Variants in SLC16A9 observed in about 807,000 individuals in gnomAD.
SLC16A9 encodes the protein solute carrier family 16 member 9.
In SLC16A9, 26 loss-of-function variants were observed where a neutral mutation model predicts 44.3. The observed-to-expected ratio is 0.59, with a 90% CI of 0.43 to 0.81. The LOEUF is 0.81. Ranked by LOEUF, SLC16A9 falls within the 40% of genes least tolerant of loss-of-function variation. The pLI is 0.00. For missense variants in SLC16A9, 559 were observed against 595.8 expected, an observed-to-expected ratio of 0.94 and a Z score of 0.64; for synonymous variants, 230 against 225.1, an observed-to-expected ratio of 1.02 and a Z score of -0.19.
At chr10:59,671,800 C>A (rs532975236) in intron 3 of SLC16A9, among the ~76,000 whole-genome samples, 1 of 152,174 alleles carries the variant, frequency 6.6e-6, no homozygotes, top group Non-Finnish European at 1.5e-5. Flanking sequence ...ACGAAGTCTC[C>A]TAGCTTTGCT....
At chr10:59,678,632 T>C (rs112807640) in intron 2 of SLC16A9, among the ~76,000 whole-genome samples, 3,199 of 131,984 alleles carry the variant, frequency 0.024, 110 homozygotes, top group Admixed American at 0.11. Flanking sequence ...CAAGCTCCGC[T>C]TCCCGGGTTC....
intron 4 of SLC16A9, among the ~76,000 whole-genome samples, chr10:59,661,143 G>A (rs1436650344): frequency 6.6e-6 from 1 of 152,210 alleles, no homozygotes; most frequent in Non-Finnish European, 1.5e-5. Context: ...AGTATTGGAA[G>A]TTCTTGCCAG....
chr10:59,683,419 TTCA>T (rs1355385063), intron 2 of SLC16A9, among the ~76,000 whole-genome samples: 3 of 152,258 alleles, frequency 2.0e-5, no homozygotes, highest in African/African-American at 7.2e-5. Flanking sequence ...TATGTAACTG[TTCA>T]TCAAGAATAT....
chr10:59,688,082 C>T (rs767262633), intron 1 of SLC16A9, among the ~76,000 whole-genome samples: 2 of 152,158 alleles, frequency 1.3e-5, no homozygotes, highest in Non-Finnish European at 2.9e-5. Flanking sequence ...CCAGCAGGGC[C>T]TCCCACTTAA....
At chr10:59,679,832 A>C (rs549805872) in intron 2 of SLC16A9, among the ~76,000 whole-genome samples, 1 of 152,254 alleles carries the variant, frequency 6.6e-6, no homozygotes, top group East Asian at 1.9e-4. Context: ...CATAAAGGTA[A>C]TTTGCATGGA....
intron 1 of SLC16A9, among the ~76,000 whole-genome samples, chr10:59,700,878 C>A (rs1006900291): frequency 6.6e-6 from 1 of 152,144 alleles, no homozygotes; most frequent in African/African-American, 2.4e-5. Context: ...GAACCACTGC[C>A]CCCTTGGCTT....
In SLC16A9 at chr10:59,662,422, G is replaced by T. The variant is rs544447244; in HGVS notation, c.436+1805C>A. 7.3e-4 allele frequency among the ~76,000 whole-genome samples: 111 copies of T among 151,776 alleles called. 2 individuals carry two copies. The South Asian group carries it at 0.022, about 30-fold the overall frequency. On this transcript the variant is annotated intron_variant, in intron 4 of 5. Transcript: ENST00000395348. ...GAGGCTGAGGCAGGCAGATCACAAGGTCAGGAGTTCAAGACCTCCATGGCC... is the reference window on the plus strand; with the variant it reads ...GAGGCTGAGGCAGGCAGATCACAAGTTCAGGAGTTCAAGACCTCCATGGCC...
chr10:59,657,319 A>G (rs535775442), intron 4 of SLC16A9, among the ~76,000 whole-genome samples: 3 of 152,306 alleles, frequency 2.0e-5, no homozygotes, highest in Non-Finnish European at 4.4e-5. Flanking sequence ...CCTGTTCACT[A>G]CAGAGGAAGA....
intron 2 of SLC16A9, among the ~76,000 whole-genome samples, chr10:59,680,427 A>G (rs1241122744): frequency 6.6e-6 from 1 of 152,154 alleles, no homozygotes; most frequent in African/African-American, 2.4e-5. Context: ...TCTGCCACCC[A>G]TCCTTCCAAG....
intron 5 of SLC16A9, among the ~76,000 whole-genome samples, chr10:59,653,190 C>T (rs1375447566): frequency 1.3e-5 from 2 of 151,508 alleles, no homozygotes; most frequent in Non-Finnish European, 2.9e-5. Flanking sequence ...GAGGCCGAGG[C>T]GGGCGGATCA....
chr10:59,682,796 A>G (rs1840051196), intron 2 of SLC16A9, among the ~76,000 whole-genome samples: 1 of 106,544 alleles, frequency 9.4e-6, no homozygotes, highest in Non-Finnish European at 1.9e-5. Context: ...TGGTGGCTTT[A>G]CAAACAATCC....
At chr10:59,666,254 G>A (rs1185714403) in intron 3 of SLC16A9, among the ~76,000 whole-genome samples, 4 of 149,988 alleles carry the variant, frequency 2.7e-5, no homozygotes, top group Non-Finnish European at 4.4e-5. Flanking sequence ...AGCTGAGATC[G>A]CGCCATTGCA....
At chr10:59,709,240 TCCC>T (rs796097936) in intron 1 of SLC16A9, among the ~76,000 whole-genome samples, 51 of 151,828 alleles carry the variant, frequency 3.4e-4, no homozygotes, top group African/African-American at 1.2e-3. Context: ...GCCTTCGGAT[TCCC>T]GGGAAAACTT....
At chr10:59,653,425 C>CAAAAAAAAA (rs562805430) in intron 5 of SLC16A9, among the ~76,000 whole-genome samples, 4,098 of 36,426 alleles carry the variant, frequency 0.11, 1,174 homozygotes, top group Middle Eastern at 0.23. Context: ...AACTCCGTCT[C>CAAAAAAAAA]AAAAAAAAAA....
At chr10:59,696,365 C>T (rs1588994104) in intron 1 of SLC16A9, among the ~76,000 whole-genome samples, 1 of 152,230 alleles carries the variant, frequency 6.6e-6, no homozygotes, top group Non-Finnish European at 1.5e-5. Flanking sequence ...CTCGGCCTCC[C>T]GAGTTGCCGG....
At chr10:59,696,276 G>C (rs954961974) in intron 1 of SLC16A9, among the ~76,000 whole-genome samples, 7 of 152,200 alleles carry the variant, frequency 4.6e-5, no homozygotes, top group Admixed American at 1.3e-4. Flanking sequence ...ACTGGTTTTC[G>C]TATTTTTTTG....
intron 4 of SLC16A9, among the ~76,000 whole-genome samples, chr10:59,658,508 G>T (rs924697010): frequency 6.6e-6 from 1 of 152,182 alleles, no homozygotes. Context: ...TGACAGAAGA[G>T]GATTCAAAAC....
rs1309824806 is a variant in SLC16A9, at chr10:59,654,146, A to C, written c.880T>G (p.Cys294Gly). The change falls in exon 5 of 6, where the codon TGT (cysteine) becomes GGT (glycine). Residue 294 changes from cysteine (C) to glycine (G), a missense_variant. Transcript: ENST00000395348. ...TTAAAAAGAGCCACAGTTTCACCAC[A>C]GTAGTTTTTATATAACTGCCACTTC... is the stretch of plus-strand genomic sequence containing the variant. ...KRKWQLYKNY[C>G]GETVALFKNK... 6.8e-6 allele frequency: 11 copies of C among 1,614,046 alleles called. No individual in the cohort carries two copies. Among genetic ancestry groups the C allele is most frequent in the Non-Finnish European group, 8.5e-6 (10 of 1,180,036 alleles).
intron 1 of SLC16A9, among the ~76,000 whole-genome samples, chr10:59,705,227 T>C (rs1345232377): frequency 2.0e-5 from 3 of 150,842 alleles, no homozygotes; most frequent in African/African-American, 7.3e-5. Context: ...AAGTGTAAGA[T>C]AAAATTAATC....
Sources: gnomAD v4.1 joint callset for allele counts (sites outside exome capture counted in the v4.1 genomes callset) on GRCh38, gnomAD v4.1.1 for gene constraint, MANE v1.5 for transcripts, NCBI Gene and HGNC (gene_info 2026-07-23, HGNC 2026-07-21) for gene names.